Variants in BTBD19 observed in about 807,000 individuals in gnomAD.
The protein encoded by BTBD19 is BTB domain containing 19, also known as BTB/POZ domain-containing protein 19.
BTBD19 carries 20 observed loss-of-function variants against 36.1 expected under a neutral mutation model. That is an observed-to-expected ratio of 0.55 (90% CI 0.39 to 0.80). BTBD19 has a LOEUF of 0.80. Ranked by LOEUF, BTBD19 falls within the 30% of genes least tolerant of loss-of-function variation. BTBD19 has a pLI of 0.00. For synonymous variants in BTBD19, 157 were observed against 174.3 expected (o/e 0.90, Z 0.78); for missense variants, 325 against 389.8 (o/e 0.83, Z 1.40).
chr1:44,814,232 T>C (rs1171430347), downstream of BTBD19: 3 of 57,900 alleles, frequency 5.2e-5, 1 homozygote, highest in South Asian at 4.1e-4. Context: ...TTCTCTTTCC[T>C]TCCTTCCTTC....
exon 1 of BTBD19, chr1:44,808,550 G>A (rs1266511332): frequency 1.9e-5 from 6 of 317,124 alleles, no homozygotes; most frequent in East Asian, 5.3e-5. Flanking sequence ...CGCCGCCGCC[G>A]CCAGCCAGCC....
chr1:44,808,549 C>T (rs1030229635), exon 1 of BTBD19: 9 of 326,064 alleles, frequency 2.8e-5, no homozygotes, highest in South Asian at 2.5e-4. Context: ...CCGCCGCCGC[C>T]GCCAGCCAGC....
At position 44,813,444 on chromosome 1, in the gene BTBD19, C is replaced by A. The variant is rs1305351506; in HGVS notation, c.686C>A (p.Ala229Asp). 2.7e-5 allele frequency: 42 copies of A among 1,544,634 alleles called. No individual in the cohort carries two copies. Among genetic ancestry groups the A allele is most frequent in the Non-Finnish European group, 3.6e-5 (41 of 1,146,638 alleles). ...AAAGAGCTGAGACTAGCCTTGCTGG[C>A]CCCGGCGGAGCTGAGCGCCCTGGAA... Residue 229 changes from alanine (A) to aspartate (D), a missense_variant, in exon 7 of 8, where the codon GCC (alanine) becomes GAC (aspartate). Ala to Asp is a moderately radical substitution (Grantham distance 126). Coordinates refer to ENST00000450269, the Ensembl canonical transcript of BTBD19. The surrounding 1 kb of genome is among the most constrained non-coding windows in gnomAD (Gnocchi z 7.8).
chr1:44,811,271 G>A (rs912537654), intron 3 of BTBD19, among the ~76,000 whole-genome samples: 5 of 151,318 alleles, frequency 3.3e-5, no homozygotes, highest in African/African-American at 7.3e-5. Context: ...GAATGGTGCC[G>A]AGACTGTATG....
chr1:44,812,048 C>G, exon 4 of BTBD19: 1 of 1,305,256 alleles, frequency 7.7e-7, no homozygotes. Flanking sequence ...GCTGTGCCTG[C>G]AGTTTGTGGT....
chr1:44,813,907 C>T lies in BTBD19; in HGVS notation c.*135C>T, dbSNP rs370918173. On this transcript the variant is annotated 3_prime_UTR_variant, in exon 8 of 8. Transcript: ENST00000450269. The surrounding 1 kb of genome is among the most constrained non-coding windows in gnomAD (Gnocchi z 7.8). Reference sequence around the variant, plus strand: ...CCAGTGAGCCGGGCGCCGGAAGAACCGTTGTCTGCCACGCGCAGCCCCTTG... The same window carrying T: ...CCAGTGAGCCGGGCGCCGGAAGAACTGTTGTCTGCCACGCGCAGCCCCTTG... 17 of 1,338,750 alleles carry T rather than the reference C, an allele frequency of 1.3e-5. No homozygotes were observed. Among genetic ancestry groups the T allele is most frequent in the Admixed American group, 1.1e-4 (5 of 47,522 alleles). The allele number at this position is 1,338,750 out of a possible 1,614,324, so 82.9% of individuals were successfully genotyped here. A position where few individuals can be genotyped will look rare whatever the true frequency, so the allele number is the denominator to read the frequency against.
Position 44,810,384 on chromosome 1 carries a change from G to T in BTBD19, c.258G>T (p.Leu86=). 1.3e-6 allele frequency: 2 copies of T among 1,551,686 alleles called. No individual in the cohort carries two copies. The highest frequency in any genetic ancestry group is 1.7e-6 in the Non-Finnish European group (2 of 1,146,984). ...CAACTGAGGCCTTCCTGGCAGTGCT[G>T]GAGTTCCTATATACCAACAGTGTCA... The change falls in exon 2 of 8, where the codon CTG becomes CTT. Residue 86 remains leucine (L), a synonymous_variant. Coordinates refer to ENST00000450269, the Ensembl canonical transcript of BTBD19. The surrounding 1 kb of genome is among the most constrained non-coding windows in gnomAD (Gnocchi z 4.2).
Position 44,813,020 on chromosome 1 carries a change from C to T in BTBD19, c.439C>T (p.Gln147Ter), listed in dbSNP as rs1361118437. 6.4e-7 allele frequency: 1 copy of T among 1,551,298 alleles called. No individual in the cohort carries two copies. Among genetic ancestry groups the T allele is most frequent in the African/African-American group, 1.4e-5 (1 of 73,022 alleles). The change falls in exon 5 of 8, where the codon CAG (glutamine) becomes TAG (stop). Residue 147 changes from glutamine to a stop codon, truncating the protein, a stop_gained. Transcript: ENST00000450269. LOFTEE classifies it high-confidence loss of function. The surrounding 1 kb of genome is among the most constrained non-coding windows in gnomAD (Gnocchi z 7.8). ...GGTGGCCGTAACCTTTGGCCTGGGG[C>T]AGCTGCAGGAGCGCTGCGTGGCTTT...
At chr1:44,814,294 T>C, downstream of BTBD19, 1 of 152,022 alleles carries the variant, frequency 6.6e-6, no homozygotes, top group South Asian at 2.0e-4. Context: ...CTTTCTTTCT[T>C]TCTCTCCTCT....
rs1323711707 is a variant in BTBD19 at position 44,813,418 on chromosome 1, G to A, written c.660G>A (p.Val220=). The A allele has an allele frequency of 9.7e-6, 15 of 1,542,610 alleles. No individual in the cohort carries two copies. The Admixed American group carries it at 2.6e-4, about 26-fold the overall frequency. ...TGGCTGAGGTGGCGGCCCCGGTGGT[G>A]AAAGAGCTGAGACTAGCCTTGCTGG... is the stretch of plus-strand genomic sequence containing the variant. Residue 220 remains valine (V), a synonymous_variant, in exon 7 of 8, where the codon GTG becomes GTA. Coordinates refer to ENST00000450269, the Ensembl canonical transcript of BTBD19. The surrounding 1 kb of genome is among the most constrained non-coding windows in gnomAD (Gnocchi z 7.8).
rs950175962 is a variant in BTBD19, at chr1:44,813,688, T to C, written c.792T>C (p.Asp264=). Residue 264 remains aspartate, a synonymous_variant, in exon 8 of 8, where the codon GAT becomes GAC. Coordinates refer to ENST00000450269, the Ensembl canonical transcript of BTBD19. This position sits in a 1 kb window ranked among gnomAD's most constrained non-coding sequence, Gnocchi z 7.8. Reference sequence around the variant, plus strand: ...AATGCCATGCCCTGCGGAGAGGGGATGAGGCCCGGGGCGCCCCGTGTCGCC... The same window carrying C: ...AATGCCATGCCCTGCGGAGAGGGGACGAGGCCCGGGGCGCCCCGTGTCGCC... 1.9e-6 allele frequency: 3 copies of C among 1,551,262 alleles called. No individual in the cohort carries two copies. The highest frequency in any genetic ancestry group is 1.4e-5 in the African/African-American group (1 of 73,042).
Position 44,810,686 on chromosome 1 carries a change from C to G in BTBD19, c.354+79C>G. The G allele has an allele frequency of 7.2e-7, 1 of 1,384,884 alleles. No individual in the cohort carries two copies. Among genetic ancestry groups the G allele is most frequent in the Non-Finnish European group, 9.7e-7 (1 of 1,032,242 alleles). The allele number at this position is 1,384,884 out of a possible 1,614,324, so 85.8% of individuals were successfully genotyped here. A position where few individuals can be genotyped will look rare whatever the true frequency, so the allele number is the denominator to read the frequency against. On this transcript the variant is annotated intron_variant, in intron 3 of 7. Coordinates refer to ENST00000450269, the Ensembl canonical transcript of BTBD19. This position sits in a 1 kb window ranked among gnomAD's most constrained non-coding sequence, Gnocchi z 4.2. ...CTTCCCGCCCTGCCTCACACACACT[C>G]TGGCCTGGAGAGGAACGTGTGCCCA...
chr1:44,810,120 G>A lies in BTBD19; in HGVS notation c.87-93G>A. 8.7e-7 allele frequency: 1 copy of A among 1,154,046 alleles called. No individual in the cohort carries two copies. The highest frequency in any genetic ancestry group is 1.4e-5 in the South Asian group (1 of 73,888). The allele number at this position is 1,154,046 out of a possible 1,614,324, so 71.5% of individuals were successfully genotyped here. ...AGCCCTGTCTCTTACATTCTGGTTA[G>A]GAAACTAAGACCCAGAGTGGGCAAA... On this transcript the variant is annotated intron_variant, in intron 1 of 7. Transcript: ENST00000450269. The surrounding 1 kb of genome is among the most constrained non-coding windows in gnomAD (Gnocchi z 4.2).
exon 1 of BTBD19, chr1:44,808,546 C>G (rs1159551157): frequency 6.2e-6 from 2 of 320,594 alleles, no homozygotes; most frequent in Non-Finnish European, 5.7e-6. Flanking sequence ...CCGCCGCCGC[C>G]GCCGCCAGCC....
rs200805743 is a variant in BTBD19, at chr1:44,810,248, A to C, written c.122A>C (p.Glu41Ala). ...TTCGTGGTTGGTCAAGAACGGCAGGAGGTATTTGCCCATCGGTGCTTGTTG... is the reference window on the plus strand; with the variant it reads ...TTCGTGGTTGGTCAAGAACGGCAGGCGGTATTTGCCCATCGGTGCTTGTTG... The change falls in exon 2 of 8, where the codon GAG (glutamate) becomes GCG (alanine). Residue 41 changes from glutamate to alanine, a missense_variant. Physicochemically the swap from Glu to Ala is moderately radical, Grantham distance 107 (BLOSUM62 -1). Transcript: ENST00000450269. The surrounding 1 kb of genome is among the most constrained non-coding windows in gnomAD (Gnocchi z 4.2). 19 of 1,551,212 alleles carry C rather than the reference A, an allele frequency of 1.2e-5. No individual in the cohort carries two copies. The highest frequency in any genetic ancestry group is 1.7e-5 in the Non-Finnish European group (19 of 1,146,988).
In BTBD19 at chr1:44,813,287, A is replaced by C; in HGVS notation, c.615+18A>C. On this transcript the variant is annotated intron_variant, in intron 6 of 7. Transcript: ENST00000450269. The surrounding 1 kb of genome is among the most constrained non-coding windows in gnomAD (Gnocchi z 7.8). Reference sequence around the variant, plus strand: ...TGGGCGCGGTGAGTGGGGCTGGGGGAGCGCAAGGGCACGGAAGGAGGTGCT... The same window carrying C: ...TGGGCGCGGTGAGTGGGGCTGGGGGCGCGCAAGGGCACGGAAGGAGGTGCT... 1 of 1,536,312 alleles carries C rather than the reference A, an allele frequency of 6.5e-7. No individual in the cohort carries two copies. Among genetic ancestry groups the C allele is most frequent in the Non-Finnish European group, 8.7e-7 (1 of 1,144,454 alleles).
Position 44,810,226 on chromosome 1 carries a change from G to T in BTBD19, c.100G>T (p.Val34Leu). ...TGTCTCCCACAGTGATGTTTGCTTC[G>T]TGGTTGGTCAAGAACGGCAGGAGGT... Residue 34 changes from valine to leucine, a missense_variant, in exon 2 of 8, where the codon GTG (valine) becomes TTG (leucine). Transcript: ENST00000450269. This position sits in a 1 kb window ranked among gnomAD's most constrained non-coding sequence, Gnocchi z 4.2. 1 of 1,551,890 alleles carries T rather than the reference G, an allele frequency of 6.4e-7. No individual in the cohort carries two copies. The highest frequency in any genetic ancestry group is 8.7e-7 in the Non-Finnish European group (1 of 1,146,928).
At position 44,813,615 on chromosome 1, in the gene BTBD19, C is replaced by A; in HGVS notation, c.742-23C>A. On this transcript the variant is annotated intron_variant, in intron 7 of 7. Coordinates refer to ENST00000450269, the Ensembl canonical transcript of BTBD19. This position sits in a 1 kb window ranked among gnomAD's most constrained non-coding sequence, Gnocchi z 7.8. ...GGCGAGGGGCCACCGCGGGACTGCG[C>A]ACTAACTGGCCTTGCTCTGCAGGTG... 6.5e-7 allele frequency: 1 copy of A among 1,544,922 alleles called. No individual in the cohort carries two copies.
At chr1:44,815,408 C>T (rs182263643), downstream of BTBD19, 1 of 152,336 alleles carries the variant, frequency 6.6e-6, no homozygotes, top group Admixed American at 6.5e-5. Flanking sequence ...TACTCAGTTA[C>T]TGCAGACCCC....
Sources: gnomAD v4.1 joint callset for allele counts (sites outside exome capture counted in the v4.1 genomes callset) on GRCh38, gnomAD v4.1.1 for gene constraint, Gnocchi (gnomAD v3.1) non-coding constraint, MANE v1.5 for transcripts, NCBI Gene and HGNC (gene_info 2026-07-23, HGNC 2026-07-21) for gene names.